LDB2: variants seen among roughly 807,000 people sequenced by gnomAD.
LDB2 encodes the protein LIM domain binding 2.
Under a neutral mutation model 44.3 loss-of-function variants are expected in LDB2, and 12 were observed. The observed-to-expected ratio is 0.27, with a 90% CI of 0.17 to 0.44. LDB2 has a LOEUF of 0.44. Among genes scored for constraint, LDB2 ranks in the 20% least tolerant of loss-of-function variants. The pLI, the probability that LDB2 is intolerant of heterozygous loss-of-function variation, is 1.00. For synonymous variants in LDB2, 164 were observed against 174.8 expected, an observed-to-expected ratio of 0.94 and a Z score of 0.49; for missense variants, 344 against 473.5, an observed-to-expected ratio of 0.73 and a Z score of 2.54.
chr4:16,747,305 A>G, intron 2 of LDB2, among the ~76,000 whole-genome samples: 1 of 152,192 alleles, frequency 6.6e-6, no homozygotes, highest in East Asian at 1.9e-4. Context: ...TAGAGCTCCA[A>G]GTACTAAAGC....
chr4:16,862,759 C>T (rs60796204), intron 1 of LDB2, among the ~76,000 whole-genome samples: 1 of 151,542 alleles, frequency 6.6e-6, no homozygotes, highest in Non-Finnish European at 1.5e-5. Flanking sequence ...TAGAAGGTGT[C>T]CAGTTTCCCA....
At chr4:16,534,987 T>C (rs899166257) in intron 5 of LDB2, among the ~76,000 whole-genome samples, 3 of 151,918 alleles carry the variant, frequency 2.0e-5, no homozygotes, top group African/African-American at 7.3e-5. Context: ...AGGGGATGAG[T>C]TTTGTGCCAG....
At chr4:16,694,208 G>A (rs759355016) in intron 2 of LDB2, among the ~76,000 whole-genome samples, 1 of 152,208 alleles carries the variant, frequency 6.6e-6, no homozygotes, top group Non-Finnish European at 1.5e-5. Context: ...TTACTGGAAG[G>A]ATTTTAATGG....
intron 2 of LDB2, among the ~76,000 whole-genome samples, chr4:16,606,341 T>G (rs1331536187): frequency 6.6e-6 from 1 of 152,194 alleles, no homozygotes; most frequent in Admixed American, 6.5e-5. Flanking sequence ...TGTTTTACAT[T>G]CTTTTCTCAA....
chr4:16,684,550 T>C (rs1267744256), intron 2 of LDB2, among the ~76,000 whole-genome samples: 1 of 152,270 alleles, frequency 6.6e-6, no homozygotes, highest in Non-Finnish European at 1.5e-5. Context: ...AGTATATTTC[T>C]TGTTTTGTGG....
intron 2 of LDB2, among the ~76,000 whole-genome samples, chr4:16,657,898 A>G (rs1229212447): frequency 6.6e-6 from 1 of 152,212 alleles, no homozygotes; most frequent in African/African-American, 2.4e-5. Flanking sequence ...GAAGCCACAT[A>G]TTTTAAAAAC....
At chr4:16,774,190 C>T (rs576554630) in intron 1 of LDB2, among the ~76,000 whole-genome samples, 3 of 150,510 alleles carry the variant, frequency 2.0e-5, no homozygotes, top group South Asian at 2.1e-4. Flanking sequence ...GTAACTAGTC[C>T]GATGCAATGC....
chr4:16,852,531 C>T (rs1788498187), intron 1 of LDB2, among the ~76,000 whole-genome samples: 1 of 152,104 alleles, frequency 6.6e-6, no homozygotes, highest in African/African-American at 2.4e-5. Context: ...GTGATCATTA[C>T]CAATTACATA....
chr4:16,709,255 A>G (rs749192085), intron 2 of LDB2, among the ~76,000 whole-genome samples: 1 of 152,232 alleles, frequency 6.6e-6, no homozygotes, highest in Non-Finnish European at 1.5e-5. Flanking sequence ...TTGAGTAGAA[A>G]TGGTGATAAC....
At chr4:16,740,770 A>T (rs540594019) in intron 2 of LDB2, among the ~76,000 whole-genome samples, 1 of 152,242 alleles carries the variant, frequency 6.6e-6, no homozygotes, top group African/African-American at 2.4e-5. Context: ...TCTATTGCAC[A>T]GGCATATTTT....
At chr4:16,879,416 G>A (rs1398209807) in intron 1 of LDB2, among the ~76,000 whole-genome samples, 1 of 152,166 alleles carries the variant, frequency 6.6e-6, no homozygotes, top group African/African-American at 2.4e-5. Context: ...AGAACTCGCT[G>A]TTAGAATTGT....
chr4:16,524,188 C>T (rs1243927113), intron 5 of LDB2, among the ~76,000 whole-genome samples: 1 of 152,168 alleles, frequency 6.6e-6, no homozygotes, highest in East Asian at 1.9e-4. Context: ...TAGTATTTAT[C>T]AGGCACCTTC....
At chr4:16,592,658 T>C (rs1256731001) in intron 3 of LDB2, among the ~76,000 whole-genome samples, 3 of 151,874 alleles carry the variant, frequency 2.0e-5, no homozygotes, top group South Asian at 2.1e-4. Flanking sequence ...AGTATTCATA[T>C]AGGAAAACTG....
chr4:16,592,505 T>TATATATACACACACAC (rs757702164), intron 3 of LDB2, among the ~76,000 whole-genome samples: 1 of 108,058 alleles, frequency 9.3e-6, no homozygotes, highest in African/African-American at 3.8e-5. Flanking sequence ...TATATATATA[T>TATATATACACACACAC]ACACACACAC....
chr4:16,768,938 G>A lies in LDB2; in HGVS notation c.133-9678C>T, dbSNP rs879797704. On this transcript the variant is annotated intron_variant, in intron 1 of 7. Coordinates refer to ENST00000304523, the MANE Select transcript of LDB2 (RefSeq NM_001290.5). ...CATGACACAGCTATCAAATTGCCAC[G>A]AAAGAGTTCAACCCCAAGGACTCTG... is the stretch of plus-strand genomic sequence containing the variant. 5.9e-5 allele frequency among the ~76,000 whole-genome samples: 9 copies of A among 152,146 alleles called. 1 individual carries two copies. The highest frequency in any genetic ancestry group is 1.7e-4 in the African/African-American group (7 of 41,422).
intron 2 of LDB2, among the ~76,000 whole-genome samples, chr4:16,641,613 C>G (rs964965517): frequency 6.6e-6 from 1 of 152,092 alleles, no homozygotes; most frequent in East Asian, 1.9e-4. Context: ...ACAACCAGAT[C>G]TCCTGTGAAC....
At chr4:16,802,126 C>A (rs796262396) in intron 1 of LDB2, among the ~76,000 whole-genome samples, 1 of 152,026 alleles carries the variant, frequency 6.6e-6, no homozygotes, top group African/African-American at 2.4e-5. Context: ...ATTAGCCCCA[C>A]CCATCCCCAT....
At chr4:16,782,241 T>C (rs1015084017) in intron 1 of LDB2, among the ~76,000 whole-genome samples, 1 of 152,186 alleles carries the variant, frequency 6.6e-6, no homozygotes, top group African/African-American at 2.4e-5. Flanking sequence ...CCATCTCCAC[T>C]CTGAATTCCT....
intron 6 of LDB2, among the ~76,000 whole-genome samples, chr4:16,509,303 G>T (rs1240866556): frequency 6.6e-6 from 1 of 152,106 alleles, no homozygotes; most frequent in Non-Finnish European, 1.5e-5. Flanking sequence ...CATGGTTTGG[G>T]CCCTGCTGTT....
Sources: gnomAD v4.1 joint callset for allele counts (sites outside exome capture counted in the v4.1 genomes callset) on GRCh38, gnomAD v4.1.1 for gene constraint, MANE v1.5 for transcripts, NCBI Gene and HGNC (gene_info 2026-07-23, HGNC 2026-07-21) for gene names.